ASTN1: variants seen among roughly 807,000 people sequenced by gnomAD.
The protein encoded by ASTN1 is astrotactin 1.
ASTN1 carries 41 observed loss-of-function variants against 140.7 expected under a neutral mutation model. The ratio of observed to expected loss-of-function variants is 0.29; its 90% CI spans 0.23 to 0.38. The LOEUF (loss-of-function observed/expected upper bound fraction) is 0.38. ASTN1 is among the 10% of genes least tolerant of loss of function. The pLI, the probability that ASTN1 is intolerant of heterozygous loss-of-function variation, is 1.00. For missense variants in ASTN1, 1,479 were observed against 1,678.8 expected, an observed-to-expected ratio of 0.88 and a Z score of 2.08; for synonymous variants, 640 against 652.2, an observed-to-expected ratio of 0.98 and a Z score of 0.29.
chr1:177,045,933 G>C (rs547719621), intron 2 of ASTN1, among the ~76,000 whole-genome samples: 1 of 152,206 alleles, frequency 6.6e-6, no homozygotes, highest in African/African-American at 2.4e-5. Flanking sequence ...CAAAGTGAAT[G>C]GGGTAAAAAT....
intron 2 of ASTN1, among the ~76,000 whole-genome samples, chr1:177,036,294 G>A (rs1249616932): frequency 2.6e-5 from 4 of 151,874 alleles, no homozygotes; most frequent in African/African-American, 7.2e-5. Flanking sequence ...TGATCCACCC[G>A]CCTCAGCCTC....
chr1:177,159,031 C>T (rs1405133483), intron 1 of ASTN1, among the ~76,000 whole-genome samples: 3 of 139,722 alleles, frequency 2.1e-5, no homozygotes, highest in African/African-American at 7.9e-5. Context: ...TGTGCCACTG[C>T]ACTCCAGCCT....
At chr1:176,944,039 C>A in intron 13 of ASTN1, 21 bp from the exon 14 acceptor site, 1 of 1,609,892 alleles carries the variant, frequency 6.2e-7, no homozygotes, top group Non-Finnish European at 8.5e-7. Flanking sequence ...GGTAGACCTT[C>A]ATTTCTGAGT....
chr1:177,107,680 A>C (rs368834239), intron 1 of ASTN1, among the ~76,000 whole-genome samples: 9 of 152,174 alleles, frequency 5.9e-5, no homozygotes, highest in East Asian at 5.8e-4. Flanking sequence ...TCCGGGTTCT[A>C]GTAACTGCCT....
intron 19 of ASTN1, among the ~76,000 whole-genome samples, chr1:176,883,235 T>C (rs1668885164): frequency 6.7e-6 from 1 of 149,946 alleles, no homozygotes; most frequent in Non-Finnish European, 1.5e-5. Context: ...GAGCTTCTTT[T>C]TTTTTTTTTT....
chr1:176,915,605 G>A (rs58306789), intron 16 of ASTN1, among the ~76,000 whole-genome samples: 4,602 of 152,156 alleles, frequency 0.03, 199 homozygotes, highest in African/African-American at 0.1. Context: ...ACCTGCTGTC[G>A]TACACAGCTT....
intron 16 of ASTN1, among the ~76,000 whole-genome samples, chr1:176,923,215 G>A (rs1383454121): frequency 6.6e-6 from 1 of 152,194 alleles, no homozygotes; most frequent in Non-Finnish European, 1.5e-5. Flanking sequence ...TTATTAAGTG[G>A]TTGCATTCCC....
In ASTN1 at chr1:177,164,555, G is replaced by C; in HGVS notation, c.122C>G (p.Thr41Arg). The C allele has an allele frequency of 6.2e-7, 1 of 1,613,962 alleles. No individual in the cohort carries two copies. The highest frequency in any genetic ancestry group is 8.5e-7 in the Non-Finnish European group (1 of 1,179,938). Reference sequence around the variant, plus strand: ...GCGCAGGAAGGGCAGTGCCGACACCGTGATGCTTTTGAGCTTGCACTCCAG... The same window carrying C: ...GCGCAGGAAGGGCAGTGCCGACACCCTGATGCTTTTGAGCTTGCACTCCAG... Reference protein sequence around the residue: ...KELECKLKSITVSALPFLREN... With the variant: ...KELECKLKSIRVSALPFLREN... The change falls in exon 1 of 23, where the codon ACG (threonine) becomes AGG (arginine). Residue 41 changes from threonine to arginine, a missense_variant. Around this residue, in one of 3 missense-constraint regions of ASTN1, gnomAD observed 729 missense variants for 860.4 expected, o/e 0.85. Transcript: ENST00000361833.
intron 1 of ASTN1, among the ~76,000 whole-genome samples, chr1:177,152,081 G>A (rs555397842): frequency 3.3e-5 from 5 of 152,214 alleles, no homozygotes; most frequent in African/African-American, 1.2e-4. Flanking sequence ...TGGGAGACAT[G>A]AGTAAGAAAA....
chr1:176,862,682 C>G lies in ASTN1; in HGVS notation c.*1602G>C. ...ATTTGAGGCAAGTTGTATAACCTCTCTTTGCCTCGTTTTCCTCAACACTAA... is the reference window on the plus strand; with the variant it reads ...ATTTGAGGCAAGTTGTATAACCTCTGTTTGCCTCGTTTTCCTCAACACTAA... On this transcript the variant is annotated 3_prime_UTR_variant, in exon 23 of 23. Coordinates refer to ENST00000361833, the MANE Select transcript of ASTN1 (RefSeq NM_004319.3). 3 of 911,232 alleles carry G rather than the reference C, an allele frequency of 3.3e-6. No individual in the cohort carries two copies. The highest frequency in any genetic ancestry group is 3.9e-6 in the Non-Finnish European group (3 of 762,554). 56.4% of individuals were successfully genotyped at this position (911,232 alleles called of 1,614,324 possible).
At chr1:177,070,585 G>GT (rs869295965) in intron 1 of ASTN1, among the ~76,000 whole-genome samples, 2 of 152,154 alleles carry the variant, frequency 1.3e-5, no homozygotes, top group African/African-American at 4.8e-5. Flanking sequence ...AAGTAATAAT[G>GT]TATGCACTGG....
intron 1 of ASTN1, among the ~76,000 whole-genome samples, chr1:177,076,184 C>G (rs1678895134): frequency 6.8e-6 from 1 of 146,026 alleles, no homozygotes; most frequent in African/African-American, 2.5e-5. Flanking sequence ...GAGGCTGAGG[C>G]AGGAGAATCA....
At chr1:176,878,639 C>T (rs996103332) in intron 20 of ASTN1, among the ~76,000 whole-genome samples, 5 of 151,862 alleles carry the variant, frequency 3.3e-5, no homozygotes, top group East Asian at 1.9e-4. Flanking sequence ...AGAACTAGCT[C>T]TGTTCCTGGT....
rs980055101 is a variant in ASTN1 at position 176,861,606 on chromosome 1, T to C, written c.*2678A>G. On this transcript the variant is annotated 3_prime_UTR_variant, in exon 23 of 23. Transcript: ENST00000361833. The stretch of plus-strand genomic sequence containing the variant: ...GTACAACCATCCTAAGATTTTCCCC[T>C]GCCCTGTTCATATCAGCCTTTTTAA... 9.8e-5 allele frequency: 97 copies of C among 985,470 alleles called. No individual in the cohort carries two copies. Among genetic ancestry groups the C allele is most frequent in the Non-Finnish European group, 1.1e-4 (90 of 829,974 alleles). 61.0% of individuals were successfully genotyped at this position (985,470 alleles called of 1,614,324 possible). A position where few individuals can be genotyped will look rare whatever the true frequency, so the allele number is the denominator to read the frequency against.
intron 1 of ASTN1, among the ~76,000 whole-genome samples, chr1:177,157,279 G>T (rs1045264540): frequency 6.6e-6 from 1 of 152,024 alleles, no homozygotes; most frequent in Non-Finnish European, 1.5e-5. Context: ...TTTCCATAAA[G>T]CTAAAACTGT....
intron 1 of ASTN1, among the ~76,000 whole-genome samples, chr1:177,083,529 C>T (rs1206518188): frequency 1.3e-5 from 2 of 152,084 alleles, no homozygotes; most frequent in African/African-American, 4.8e-5. Flanking sequence ...AGTATGAAGT[C>T]AGAAATTAAA....
At chr1:176,898,569 G>C (rs1444944007) in intron 16 of ASTN1, among the ~76,000 whole-genome samples, 1 of 152,192 alleles carries the variant, frequency 6.6e-6, no homozygotes, top group African/African-American at 2.4e-5. Context: ...AGCCCAAAGA[G>C]AGCACCTATA....
intron 16 of ASTN1, among the ~76,000 whole-genome samples, chr1:176,928,880 T>C (rs756647198): frequency 1.3e-5 from 2 of 152,126 alleles, no homozygotes; most frequent in Non-Finnish European, 2.9e-5. Flanking sequence ...CCTCCAGGAA[T>C]TAGGCAACAG....
rs775092334 is a variant in ASTN1 at position 176,944,012 on chromosome 1, G to T, written c.2256C>A (p.Asn752Lys). ...GCTGGTCTAAACCACGAGCAAAGTT[G>T]TTTTGCCTAGAAAGAGGGTAGACCT... ...GQVLKGTFRQ[N>K]NFARGLDQQL... Residue 752 changes from asparagine (N) to lysine (K), a missense_variant, in exon 14 of 23, where the codon AAC (asparagine) becomes AAA (lysine). Transcript: ENST00000361833. 6.2e-7 allele frequency: 1 copy of T among 1,613,474 alleles called. No homozygotes were observed. The highest frequency in any genetic ancestry group is 2.2e-5 in the East Asian group (1 of 44,832).
Sources: allele counts gnomAD v4.1 joint callset (sites outside exome capture counted in the v4.1 genomes callset), GRCh38; gene constraint gnomAD v4.1.1; regional missense constraint gnomAD v4.1.1; transcripts MANE v1.5; gene names NCBI Gene and HGNC (gene_info 2026-07-23, HGNC 2026-07-21).